TLE1: variants seen among roughly 807,000 people sequenced by gnomAD.
The protein encoded by TLE1 is transducin-like enhancer protein 1.
In TLE1, 21 loss-of-function variants were observed where a neutral mutation model predicts 89.8. The ratio of observed to expected loss-of-function variants is 0.23; its 90% CI spans 0.17 to 0.34. The LOEUF (loss-of-function observed/expected upper bound fraction) is 0.34, where lower values mean the gene tolerates loss of function less well. TLE1 is among the 10% of genes least tolerant of loss of function. The pLI is 1.00. For missense variants in TLE1, 795 were observed against 1,031.2 expected, an observed-to-expected ratio of 0.77 and a Z score of 3.14; for synonymous variants, 447 against 407.6, an observed-to-expected ratio of 1.10 and a Z score of -1.16.
chr9:81,589,073 C>G (rs1433708772), intron 16 of TLE1, among the ~76,000 whole-genome samples: 2 of 152,220 alleles, frequency 1.3e-5, no homozygotes, highest in African/African-American at 4.8e-5. Context: ...GGCCGTGCAG[C>G]TGGACCTCCA....
intron 2 of TLE1, among the ~76,000 whole-genome samples, 170 bp from the exon 3 acceptor site, chr9:81,686,066 A>G (rs1264987045): frequency 6.6e-6 from 1 of 152,230 alleles, no homozygotes; most frequent in East Asian, 1.9e-4. Flanking sequence ...AAAAGGAATA[A>G]TGTGAACAAT....
intron 13 of TLE1, among the ~76,000 whole-genome samples, chr9:81,611,301 A>G (rs1011492266): frequency 6.6e-6 from 1 of 152,156 alleles, no homozygotes; most frequent in Non-Finnish European, 1.5e-5. Flanking sequence ...AAGTCATGCT[A>G]TTGGGTTTAA....
intron 4 of TLE1, among the ~76,000 whole-genome samples, chr9:81,680,369 C>G (rs888329794): frequency 6.6e-6 from 1 of 152,206 alleles, no homozygotes; most frequent in African/African-American, 2.4e-5. Flanking sequence ...AATGGCCTGA[C>G]TCTACCTCCT....
At chr9:81,594,222 A>G (rs977933507) in intron 14 of TLE1, among the ~76,000 whole-genome samples, 4 of 152,214 alleles carry the variant, frequency 2.6e-5, no homozygotes, top group Non-Finnish European at 5.9e-5. Flanking sequence ...CCTCTGGGCC[A>G]CAAGTTGATT....
intron 13 of TLE1, among the ~76,000 whole-genome samples, chr9:81,610,978 A>G (rs1823636185): frequency 6.6e-6 from 1 of 152,196 alleles, no homozygotes; most frequent in South Asian, 2.1e-4. Flanking sequence ...GTGCAATATC[A>G]GGAAAAACAA....
Position 81,610,279 on chromosome 9 carries a change from G to A in TLE1, c.1272C>T (p.Pro424=), listed in dbSNP as rs1823531349. 2 of 1,613,986 alleles carry A rather than the reference G, an allele frequency of 1.2e-6. No homozygotes were observed. Among genetic ancestry groups the A allele is most frequent in the Middle Eastern group, 1.6e-4 (1 of 6,062 alleles). The change falls in exon 14 of 20, where the codon CCC becomes CCT. Residue 424 remains proline, a synonymous_variant. Transcript: ENST00000376499. ...GRSPMVGFDP[P]PHMRVPTIPP... ...GAATGGTAGGTACTCTCATGTGAGG[G>A]GGAGGATCAAACCCCACCTGGAAAC...
chr9:81,606,097 C>T (rs1389369139), intron 14 of TLE1, among the ~76,000 whole-genome samples: 6 of 152,020 alleles, frequency 3.9e-5, no homozygotes, highest in Admixed American at 6.5e-5. Context: ...GTTAGAATGG[C>T]GATCATTAAA....
intron 4 of TLE1, among the ~76,000 whole-genome samples, chr9:81,674,057 T>C (rs995150767): frequency 2.6e-5 from 4 of 152,148 alleles, no homozygotes; most frequent in African/African-American, 9.7e-5. Context: ...ATGGCACAAA[T>C]AACGGTGGCT....
chr9:81,590,894 C>A lies in TLE1; in HGVS notation c.1740G>T (p.Leu580=), dbSNP rs1829387801. 4 of 1,614,258 alleles carry A rather than the reference C, an allele frequency of 2.5e-6. No individual in the cohort carries two copies. Among genetic ancestry groups the A allele is most frequent in the Non-Finnish European group, 3.4e-6 (4 of 1,180,042 alleles). Residue 580 remains leucine, a synonymous_variant, in exon 16 of 20, where the codon CTG becomes CTT. Coordinates refer to ENST00000376499, the MANE Select transcript of TLE1 (RefSeq NM_005077.5). Reference sequence around the variant, plus strand: ...AGACCTTGGAATCGGGGCTGATGGCCAGGGCGTAGCAGGCGGGGGCCGAGG... The same window carrying A: ...AGACCTTGGAATCGGGGCTGATGGCAAGGGCGTAGCAGGCGGGGGCCGAGG... ...LTSSAPACYA[L]AISPDSKVCF...
intron 8 of TLE1, among the ~76,000 whole-genome samples, chr9:81,627,638 GC>G (rs1826066867): frequency 6.6e-6 from 1 of 152,114 alleles, no homozygotes; most frequent in South Asian, 2.1e-4. Context: ...TTTCCATTGT[GC>G]CCAAAAATTG....
intron 8 of TLE1, among the ~76,000 whole-genome samples, chr9:81,631,971 A>C (rs1015991308): frequency 6.6e-6 from 1 of 152,082 alleles, no homozygotes; most frequent in East Asian, 1.9e-4. Flanking sequence ...GTGTGGTGGC[A>C]CAGGCCTGTA....
rs1828077149 is a variant in TLE1, at chr9:81,584,627, A to ACTAT, written c.2129-107_2129-104dup. 65 of 1,041,220 alleles carry ACTAT rather than the reference A, an allele frequency of 6.2e-5. 3 individuals are homozygous for ACTAT. In the South Asian group the frequency reaches 9.1e-4, roughly 15 times the overall value. The allele number at this position is 1,041,220 out of a possible 1,614,324, so 64.5% of individuals were successfully genotyped here. A position where few individuals can be genotyped will look rare whatever the true frequency, so the allele number is the denominator to read the frequency against. On this transcript the variant is annotated intron_variant, in intron 18 of 19. Coordinates refer to ENST00000376499, the MANE Select transcript of TLE1 (RefSeq NM_005077.5). ...AACTAAGAACATTTTTAATATATGA[A>ACTAT]CTATCATGCCCTAAGGACTGGTCCA...
chr9:81,645,968 C>T (rs1301294604), intron 6 of TLE1, among the ~76,000 whole-genome samples: 1 of 152,030 alleles, frequency 6.6e-6, no homozygotes, highest in Non-Finnish European at 1.5e-5. Flanking sequence ...TTTTCTCCTT[C>T]TGGAAAAATG....
At chr9:81,675,839 G>A (rs1564071565) in intron 4 of TLE1, among the ~76,000 whole-genome samples, 1 of 151,692 alleles carries the variant, frequency 6.6e-6, no homozygotes, top group Non-Finnish European at 1.5e-5. Context: ...TAGCTGGGAT[G>A]ACAGGTGCCT....
At chr9:81,656,276 G>C (rs528992390) in intron 4 of TLE1, among the ~76,000 whole-genome samples, 1 of 152,250 alleles carries the variant, frequency 6.6e-6, no homozygotes, top group East Asian at 1.9e-4. Flanking sequence ...GCTTTCCTTT[G>C]CAACAGGGTT....
At chr9:81,637,062 C>T (rs1827468271) in intron 6 of TLE1, among the ~76,000 whole-genome samples, 2 of 151,502 alleles carry the variant, frequency 1.3e-5, no homozygotes, top group Admixed American at 1.3e-4. Flanking sequence ...TCCAAGCTAG[C>T]TTTCAGAAAG....
Position 81,661,492 on chromosome 9 carries a change from G to A in TLE1, c.235-7456C>T, listed in dbSNP as rs536189277. Among the ~76,000 whole-genome samples the A allele has an allele frequency of 3.9e-5, 6 of 152,084 alleles. No homozygotes were observed. In the East Asian group the frequency reaches 1.2e-3, roughly 30 times the overall value. ...ACCTTGCCCAAAGTCAGCTTAGGGA[G>A]GGGAAACTCCACCAGCATTAAATTG... On this transcript the variant is annotated intron_variant, in intron 4 of 19. Coordinates refer to ENST00000376499, the MANE Select transcript of TLE1 (RefSeq NM_005077.5).
intron 4 of TLE1, among the ~76,000 whole-genome samples, chr9:81,663,828 T>C (rs1831131063): frequency 6.6e-6 from 1 of 151,956 alleles, no homozygotes; most frequent in African/African-American, 2.4e-5. Context: ...GGTTTCACCA[T>C]GTCGGCAGGA....
chr9:81,614,568 T>C (rs573113718), intron 11 of TLE1, among the ~76,000 whole-genome samples: 4 of 152,238 alleles, frequency 2.6e-5, no homozygotes, highest in African/African-American at 9.6e-5. Context: ...TGACCTTGGA[T>C]CATGAGCCAC....
Sources: allele counts gnomAD v4.1 joint callset (sites outside exome capture counted in the v4.1 genomes callset), GRCh38; gene constraint gnomAD v4.1.1; transcripts MANE v1.5; gene names NCBI Gene and HGNC (gene_info 2026-07-23, HGNC 2026-07-21).